Variants in CYP4F12 observed in about 807,000 individuals in gnomAD.
The protein encoded by CYP4F12 is cytochrome P450 family 4 subfamily F member 12.
Under a neutral mutation model 56.5 loss-of-function variants are expected in CYP4F12, and 60 were observed. The ratio of observed to expected loss-of-function variants is 1.06; its 90% CI spans 0.86 to 1.32. The LOEUF is 1.32. Among genes scored for constraint, CYP4F12 ranks in the 40% most tolerant of loss-of-function variants. CYP4F12 has a pLI of 0.00. For synonymous variants in CYP4F12, 263 were observed against 264.9 expected (o/e 0.99, Z 0.07); for missense variants, 711 against 683.5 (o/e 1.04, Z -0.45).
chr19:15,692,540 TATAG>T lies in CYP4F12; in HGVS notation c.1116-3392_1116-3389del, dbSNP rs550380060. Among the ~76,000 whole-genome samples, 275 of 152,062 alleles carry T rather than the reference TATAG, an allele frequency of 1.8e-3. 1 individual carries two copies. The highest frequency in any genetic ancestry group is 6.2e-3 in the African/African-American group (257 of 41,472). Reference sequence around the variant, plus strand: ...ATGGTATCTGTATCAAGAGAAAAAATATAGATAATTAAGTAAAAGCTCTTGGGGC... The same window carrying T: ...ATGGTATCTGTATCAAGAGAAAAAATATAATTAAGTAAAAGCTCTTGGGGC... On this transcript the variant is annotated intron_variant, in intron 9 of 12. Coordinates refer to ENST00000550308, the MANE Select transcript of CYP4F12 (RefSeq NM_023944.4).
In CYP4F12 at chr19:15,682,248, G is replaced by A. The variant is rs973454028; in HGVS notation, c.526-141G>A. 11 of 1,188,648 alleles carry A rather than the reference G, an allele frequency of 9.3e-6. No homozygotes were observed. In the East Asian group the frequency reaches 1.3e-4, roughly 14 times the overall value. 73.6% of individuals were successfully genotyped at this position (1,188,648 alleles called of 1,614,324 possible). On this transcript the variant is annotated intron_variant, in intron 5 of 12. Coordinates refer to ENST00000550308, the MANE Select transcript of CYP4F12 (RefSeq NM_023944.4). ...ACTAACAGTTTCTGCTCGCATCCCA[G>A]TCTGGTCCTCGCTGGCAATGGGTTC...
At chr19:15,696,347 A>C in intron 11 of CYP4F12, 83 bp from the exon 12 acceptor site, 1 of 1,608,486 alleles carries the variant, frequency 6.2e-7, no homozygotes, top group Middle Eastern at 1.7e-4. Context: ...ACATCACCTC[A>C]CCCCAAAACA....
chr19:15,675,658 C>G (rs34765270), intron 2 of CYP4F12, among the ~76,000 whole-genome samples: 137,697 of 152,136 alleles, frequency 0.91, 62,273 homozygotes, highest in East Asian at 1. Context: ...TTGGTATTTA[C>G]CCTTGGATCT....
chr19:15,685,329 G>T, intron 9 of CYP4F12, 132 bp downstream of exon 9: 3 of 1,394,824 alleles, frequency 2.2e-6, no homozygotes, highest in Admixed American at 2.3e-5. Context: ...AGGACCACAG[G>T]CAGGGCTTGA....
At chr19:15,686,423 G>A (rs1367996427) in intron 9 of CYP4F12, among the ~76,000 whole-genome samples, 2 of 152,102 alleles carry the variant, frequency 1.3e-5, no homozygotes, top group African/African-American at 4.8e-5. Context: ...CAGGAGAGAG[G>A]GAGAAGAGGG....
At chr19:15,678,520 G>A in intron 3 of CYP4F12, 115 bp downstream of exon 3, 1 of 1,350,200 alleles carries the variant, frequency 7.4e-7, no homozygotes, top group East Asian at 2.3e-5. Context: ...CCTTCTCAAT[G>A]TCTTCTCCCT....
intron 3 of CYP4F12, chr19:15,678,655 C>T (rs2007118369): frequency 2.1e-6 from 1 of 474,764 alleles, no homozygotes; most frequent in Middle Eastern, 5.8e-4. Context: ...AGAGACATTT[C>T]CAGCCTCATA....
Position 15,682,505 on chromosome 19 carries a change from T to C in CYP4F12, c.642T>C (p.Cys214=). The C allele has an allele frequency of 1.2e-6, 2 of 1,613,456 alleles. No homozygotes were observed. The highest frequency in any genetic ancestry group is 1.7e-6 in the Non-Finnish European group (2 of 1,179,558). Residue 214 remains cysteine, a synonymous_variant, in exon 6 of 13, where the codon TGT becomes TGC. Coordinates refer to ENST00000550308, the MANE Select transcript of CYP4F12 (RefSeq NM_023944.4). ...GCATCTTCAGCTTTGACAGCCATTG[T>C]CAGGAGTGAGTTCCTTCCTAGGGCC... The part of the protein sequence containing the change: ...QKCIFSFDSH[C]QERPSEYIAT...
At chr19:15,675,035 C>A (rs1051655084) in intron 2 of CYP4F12, among the ~76,000 whole-genome samples, 4 of 152,252 alleles carry the variant, frequency 2.6e-5, no homozygotes, top group African/African-American at 9.6e-5. Context: ...TCCTTCCCCA[C>A]GGAGGGACAC....
intron 2 of CYP4F12, among the ~76,000 whole-genome samples, chr19:15,675,386 C>T (rs2006868084): frequency 6.6e-6 from 1 of 152,308 alleles, no homozygotes; most frequent in Middle Eastern, 3.4e-3. Flanking sequence ...TTAGAGTCAC[C>T]TCTGCTCCCC....
chr19:15,673,771 G>A (rs769186675), intron 2 of CYP4F12, 44 bp downstream of exon 2: 1 of 1,603,908 alleles, frequency 6.2e-7, no homozygotes, highest in Non-Finnish European at 8.5e-7. Context: ...AGGGTGGATG[G>A]ACTTCCAGAG....
At chr19:15,695,035 A>C (rs1197121024) in intron 9 of CYP4F12, among the ~76,000 whole-genome samples, 5 of 152,174 alleles carry the variant, frequency 3.3e-5, no homozygotes, top group African/African-American at 1.2e-4. Flanking sequence ...TCATGCGGCT[A>C]TAAAGACACA....
At chr19:15,673,471 T>C in intron 1 of CYP4F12, 58 bp from the exon 2 acceptor site, 1 of 1,569,914 alleles carries the variant, frequency 6.4e-7, no homozygotes, top group Non-Finnish European at 8.7e-7. Flanking sequence ...CTATACACTG[T>C]CCCCGGAGCT....
Position 15,696,459 on chromosome 19 carries a change from G to A in CYP4F12, c.1344G>A (p.Glu448=), listed in dbSNP as rs569455285. The change falls in exon 12 of 13, where the codon GAG becomes GAA. Residue 448 remains glutamate (E), a synonymous_variant. Transcript: ENST00000550308. ...EVYDPFRFDP[E]NSKGRSPLAF... ...ACGACCCCTTCCGCTTTGACCCAGA[G>A]AACAGCAAGGGGAGGTCACCTCTGG... The A allele has an allele frequency of 1.9e-6, 3 of 1,614,152 alleles. No individual in the cohort carries two copies. Among genetic ancestry groups the A allele is most frequent in the African/African-American group, 1.3e-5 (1 of 75,028 alleles).
rs1215964296 is a variant in CYP4F12 at position 15,673,587 on chromosome 19, C to T, written c.58C>T (p.Leu20=). ...CAGACCGGTGGCAACGTCCCCATGG[C>T]TACTCCTGCTGCTGGTTGTGGGCTC... ...GLRPVATSPW[L]LLLLVVGSWL... is the part of the protein sequence containing the mutation. Residue 20 remains leucine, a synonymous_variant, in exon 2 of 13, where the codon CTA becomes TTA. Transcript: ENST00000550308. The T allele has an allele frequency of 2.5e-6, 4 of 1,614,100 alleles. No individual in the cohort carries two copies. The highest frequency in any genetic ancestry group is 3.4e-6 in the Non-Finnish European group (4 of 1,179,984).
intron 2 of CYP4F12, among the ~76,000 whole-genome samples, chr19:15,675,567 T>A (rs1382713469): frequency 6.6e-6 from 1 of 152,216 alleles, no homozygotes; most frequent in Non-Finnish European, 1.5e-5. Context: ...GACCTTCCCA[T>A]ATAGCAATCC....
Position 15,696,935 on chromosome 19 carries a change from G to A in CYP4F12, c.1425G>A (p.Met475Ile), listed in dbSNP as rs1362214769. Residue 475 changes from methionine (M) to isoleucine (I), a missense_variant, in exon 13 of 13, where the codon ATG becomes ATA. Coordinates refer to ENST00000550308, the MANE Select transcript of CYP4F12 (RefSeq NM_023944.4). ...PRNCIGQAFA[M>I]AEMKVVLALM... is the part of the protein sequence containing the mutation. ...ACTGCATCGGGCAGGCGTTCGCCAT[G>A]GCGGAGATGAAAGTGGTCCTGGCGT... 2 of 1,614,006 alleles carry A rather than the reference G, an allele frequency of 1.2e-6. No individual in the cohort carries two copies. The highest frequency in any genetic ancestry group is 1.7e-4 in the Middle Eastern group (1 of 6,014).
At position 15,677,710 on chromosome 19, in the gene CYP4F12, C is replaced by T. The variant is rs200155332; in HGVS notation, c.199-551C>T. ...TTCCTCTCCTCCCTCACTTATTCCTCTACCCACACACTCATTCCTCTCCTC... is the reference window on the plus strand; with the variant it reads ...TTCCTCTCCTCCCTCACTTATTCCTTTACCCACACACTCATTCCTCTCCTC... On this transcript the variant is annotated intron_variant, in intron 2 of 12. Coordinates refer to ENST00000550308, the MANE Select transcript of CYP4F12 (RefSeq NM_023944.4). Among the ~76,000 whole-genome samples the T allele has an allele frequency of 5.2e-4, 8 of 15,320 alleles. 2 individuals carry two copies. Among genetic ancestry groups the T allele is most frequent in the South Asian group, 1.9e-3 (1 of 520 alleles). 10.1% of individuals were successfully genotyped at this position (15,320 alleles called of 152,430 possible). A position where few individuals can be genotyped will look rare whatever the true frequency, so the allele number is the denominator to read the frequency against.
Position 15,678,394 on chromosome 19 carries a change from C to T in CYP4F12, c.332C>T (p.Thr111Ile), listed in dbSNP as rs752033445. Residue 111 changes from threonine to isoleucine, a missense_variant, in exon 3 of 13, where the codon ACC becomes ATC. Physicochemically the swap from Thr to Ile is moderately conservative, Grantham distance 89. Transcript: ENST00000550308. ...LCHPDTIRSI[T>I]NASAAIAPKD... ...CACCCTGACACCATCCGGTCTATCA[C>T]CAATGCCTCAGGTACCCATGCAGAG... 2.5e-6 allele frequency: 4 copies of T among 1,614,038 alleles called. No homozygotes were observed. The highest frequency in any genetic ancestry group is 2.7e-5 in the African/African-American group (2 of 74,902).
Sources: gnomAD v4.1 joint callset for allele counts (sites outside exome capture counted in the v4.1 genomes callset) on GRCh38, gnomAD v4.1.1 for gene constraint, MANE v1.5 for transcripts, NCBI Gene and HGNC (gene_info 2026-07-23, HGNC 2026-07-21) for gene names.